The following RBM33 variants were observed in gnomAD, a reference collection of about 807,000 sequenced individuals.
RBM33 encodes the protein RNA-binding protein 33.
RBM33 carries 28 observed loss-of-function variants against 132.6 expected under a neutral mutation model. The ratio of observed to expected loss-of-function variants is 0.21; its 90% CI spans 0.16 to 0.29. The LOEUF is 0.29. RBM33 is among the 10% of genes least tolerant of loss of function. The pLI is 1.00. For synonymous variants in RBM33, 634 were observed against 593.0 expected, an observed-to-expected ratio of 1.07 and a Z score of -1.01; for missense variants, 1,291 against 1,518.5, an observed-to-expected ratio of 0.85 and a Z score of 2.49.
chr7:155,744,780 G>GTT (rs67693680), intron 13 of RBM33, among the ~76,000 whole-genome samples, 181 bp from the exon 14 acceptor site: 9,278 of 152,056 alleles, frequency 0.061, 292 homozygotes, highest in Middle Eastern at 0.085. Context: ...TAGCTGTGTG[G>GTT]TTTTTTTCCC....
chr7:155,700,546 C>CTTTTTTTTTTTTTTTTTTTTTTTTTTTTT (rs529323301), intron 5 of RBM33, among the ~76,000 whole-genome samples: 1 of 85,582 alleles, frequency 1.2e-5, no homozygotes, highest in Non-Finnish European at 2.3e-5. Context: ...AGAATTTGAC[C>CTTTTTTTTTTTTTTTTTTTTTTTTTTTTT]TTTTTTTTTT....
chr7:155,755,504 T>C (rs60421171), intron 14 of RBM33, among the ~76,000 whole-genome samples: 2,316 of 152,340 alleles, frequency 0.015, 69 homozygotes, highest in African/African-American at 0.053. Flanking sequence ...TCATCAGGGT[T>C]AATACAAGTT....
chr7:155,740,313 A>G (rs1013161418), intron 12 of RBM33, among the ~76,000 whole-genome samples: 8 of 152,238 alleles, frequency 5.3e-5, no homozygotes, highest in African/African-American at 1.9e-4. Flanking sequence ...ATAGACAGGA[A>G]TTAATAGACA....
chr7:155,761,836 A>G (rs1022191836), intron 14 of RBM33, among the ~76,000 whole-genome samples: 9 of 152,134 alleles, frequency 5.9e-5, no homozygotes, highest in African/African-American at 2.2e-4. Context: ...TTTTTTGAGG[A>G]CGGGGGACTA....
rs71186056 is a variant in RBM33, at chr7:155,724,990, T to TTTTGTGTGTG, written c.1260+6548_1260+6549insTTGTGTGTGT. ...TTGCTGTAAACATTTGTGTACAGGT[T>TTTTGTGTGTG]TGTGTGTGTGTGTGTGTGTGTGTGT... On this transcript the variant is annotated intron_variant, in intron 9 of 17. Transcript: ENST00000401878. 8.7e-4 allele frequency among the ~76,000 whole-genome samples: 107 copies of TTTTGTGTGTG among 123,366 alleles called. 2 individuals carry two copies. The highest frequency in any genetic ancestry group is 2.9e-3 in the African/African-American group (87 of 29,870). The allele number at this position is 123,366 out of a possible 152,430, so 80.9% of individuals were successfully genotyped here.
At chr7:155,668,641 A>G (rs1457401983) in intron 2 of RBM33, among the ~76,000 whole-genome samples, 1 of 152,170 alleles carries the variant, frequency 6.6e-6, no homozygotes, top group African/African-American at 2.4e-5. Flanking sequence ...ATAGTACTGT[A>G]AACTAGTTCG....
intron 1 of RBM33, among the ~76,000 whole-genome samples, chr7:155,662,305 G>C (rs940970599): frequency 6.6e-6 from 1 of 152,140 alleles, no homozygotes; most frequent in Non-Finnish European, 1.5e-5. Flanking sequence ...GACCCAAGCA[G>C]GGGCCCTCCT....
intron 9 of RBM33, among the ~76,000 whole-genome samples, chr7:155,728,874 T>C (rs1409301089): frequency 6.6e-6 from 1 of 152,218 alleles, no homozygotes; most frequent in Non-Finnish European, 1.5e-5. Flanking sequence ...AACCGTATAC[T>C]AAGTGAAGGT....
At chr7:155,768,706 T>A (rs1802305642) in intron 16 of RBM33, among the ~76,000 whole-genome samples, 1 of 152,234 alleles carries the variant, frequency 6.6e-6, no homozygotes, top group South Asian at 2.1e-4. Flanking sequence ...AACCTCCGCC[T>A]CCCGGGTTCA....
chr7:155,730,121 G>C (rs528296517), intron 9 of RBM33, among the ~76,000 whole-genome samples: 7 of 152,320 alleles, frequency 4.6e-5, no homozygotes, highest in Non-Finnish European at 8.8e-5. Context: ...CAGGCACTGG[G>C]CCAAGTATGG....
intron 5 of RBM33, among the ~76,000 whole-genome samples, chr7:155,689,855 T>A (rs994356245): frequency 1.3e-5 from 2 of 152,228 alleles, no homozygotes; most frequent in Non-Finnish European, 2.9e-5. Flanking sequence ...TTACAATTTC[T>A]GTTCTTTTAC....
chr7:155,741,649 G>C (rs917940668), intron 12 of RBM33, among the ~76,000 whole-genome samples, 170 bp from the exon 13 acceptor site: 11 of 152,126 alleles, frequency 7.2e-5, no homozygotes, highest in African/African-American at 2.7e-4. Context: ...CATGGATCAG[G>C]TGACATTTAT....
rs1041411651 is a variant in RBM33, at chr7:155,778,453, A to G, written c.*3412A>G. On this transcript the variant is annotated 3_prime_UTR_variant, in exon 18 of 18. Transcript: ENST00000401878. This position sits in a 1 kb window ranked among gnomAD's most constrained non-coding sequence, Gnocchi z 4.0. ...GACCCAGGTGAGGAGAGGCCTGGGG[A>G]TTGGGGAAGCTGTCATCTCAGTGTT... The G allele has an allele frequency of 6.6e-6, 1 of 152,162 alleles. No homozygotes were observed. The highest frequency in any genetic ancestry group is 1.5e-5 in the Non-Finnish European group (1 of 68,038). The allele number at this position is 152,162 out of a possible 1,614,324, so 9.4% of individuals were successfully genotyped here.
chr7:155,692,865 A>G (rs1251792597), intron 5 of RBM33, among the ~76,000 whole-genome samples: 1 of 152,248 alleles, frequency 6.6e-6, no homozygotes, highest in South Asian at 2.1e-4. Context: ...TGTATCAAGT[A>G]TTTGTTTGCA....
chr7:155,744,875 G>T, intron 13 of RBM33, 86 bp from the exon 14 acceptor site: 9 of 1,288,716 alleles, frequency 7.0e-6, no homozygotes, highest in Non-Finnish European at 9.5e-6. Context: ...AGGACTTGTG[G>T]TAAATGTGTT....
chr7:155,653,789 C>G (rs544580009), intron 1 of RBM33, among the ~76,000 whole-genome samples: 1 of 152,210 alleles, frequency 6.6e-6, no homozygotes, highest in African/African-American at 2.4e-5. Flanking sequence ...TTCCTGAGTC[C>G]TGTGAATTGT....
intron 5 of RBM33, among the ~76,000 whole-genome samples, chr7:155,692,902 A>G (rs7794988): frequency 0.025 from 3,778 of 152,352 alleles, 143 homozygotes; most frequent in African/African-American, 0.085. Flanking sequence ...GAACCAATGT[A>G]TAAAAGAGTA....
rs4716536 is a variant in RBM33 at position 155,654,437 on chromosome 7, G to A, written c.43+9518G>A. On this transcript the variant is annotated intron_variant, in intron 1 of 17. Coordinates refer to ENST00000401878, the MANE Select transcript of RBM33 (RefSeq NM_053043.3). ...ATTACCTTTCCTAAACTGAGGCTGT[G>A]TTGCATATGAAGTATAGATTTCTTA... Among the ~76,000 whole-genome samples, 812 of 152,050 alleles carry A rather than the reference G, an allele frequency of 5.3e-3. 32 individuals are homozygous for A. Among genetic ancestry groups the A allele is most frequent in the Admixed American group, 0.05 (762 of 15,270 alleles).
chr7:155,693,397 A>G (rs1323547911), intron 5 of RBM33, among the ~76,000 whole-genome samples: 1 of 149,650 alleles, frequency 6.7e-6, no homozygotes, highest in Admixed American at 6.7e-5. Context: ...TGTTTTCAGT[A>G]TGAATCTTTC....
Sources: allele counts gnomAD v4.1 joint callset (sites outside exome capture counted in the v4.1 genomes callset), GRCh38; gene constraint gnomAD v4.1.1; non-coding constraint Gnocchi (gnomAD v3.1); transcripts MANE v1.5; gene names NCBI Gene and HGNC (gene_info 2026-07-23, HGNC 2026-07-21).